Variants in LRRN1 observed in about 807,000 individuals in gnomAD.
The protein encoded by LRRN1 is leucine-rich repeat neuronal protein 1.
In LRRN1, 14 loss-of-function variants were observed where a neutral mutation model predicts 45.8. The observed-to-expected ratio is 0.31, with a 90% CI of 0.20 to 0.48. LRRN1 has a LOEUF of 0.48. LRRN1 is among the 20% of genes least tolerant of loss of function. The pLI is 0.99. For missense variants in LRRN1, 789 were observed against 874.2 expected, an observed-to-expected ratio of 0.90 and a Z score of 1.23; for synonymous variants, 359 against 330.1, an observed-to-expected ratio of 1.09 and a Z score of -0.95.
chr3:3,829,843 G>A (rs531405001), intron 1 of LRRN1, among the ~76,000 whole-genome samples: 15 of 152,206 alleles, frequency 9.9e-5, no homozygotes, highest in Non-Finnish European at 1.9e-4. Flanking sequence ...CATATCTGGA[G>A]TAAGTGTCTA....
At chr3:3,812,190 G>T (rs566352341) in intron 1 of LRRN1, among the ~76,000 whole-genome samples, 1 of 152,318 alleles carries the variant, frequency 6.6e-6, no homozygotes, top group Admixed American at 6.5e-5. Flanking sequence ...TTCCCATGTG[G>T]AGCTTGCTGT....
At chr3:3,839,608 T>C (rs1376366042) in intron 1 of LRRN1, among the ~76,000 whole-genome samples, 3 of 152,164 alleles carry the variant, frequency 2.0e-5, no homozygotes, top group African/African-American at 7.2e-5. Context: ...TTCCAGTCTA[T>C]AAACATGGGA....
rs1159661031 is a variant in LRRN1, at chr3:3,849,532, G to A, written c.*2740G>A. On this transcript the variant is annotated 3_prime_UTR_variant, in exon 2 of 2. Coordinates refer to ENST00000319331, the MANE Select transcript of LRRN1 (RefSeq NM_020873.7). ...AACTAGGTCCTGATGGATAATGAAT[G>A]TTATGTCACCTTTAACAGTGAAGTG... Among the ~76,000 whole-genome samples, 1 of 152,172 alleles carries A rather than the reference G, an allele frequency of 6.6e-6. No homozygotes were observed. Among genetic ancestry groups the A allele is most frequent in the Non-Finnish European group, 1.5e-5 (1 of 68,028 alleles).
chr3:3,808,782 A>G (rs1692818004), intron 1 of LRRN1, among the ~76,000 whole-genome samples: 1 of 99,314 alleles, frequency 1.0e-5, no homozygotes. Context: ...TCTATGTAAA[A>G]TAAATCACTT....
rs138661761 is a variant in LRRN1 at position 3,818,611 on chromosome 3, C to T, written c.-279+18692C>T. Among the ~76,000 whole-genome samples, 4 of 152,288 alleles carry T rather than the reference C, an allele frequency of 2.6e-5. No individual in the cohort carries two copies. The East Asian group carries it at 5.8e-4, about 22-fold the overall frequency. On this transcript the variant is annotated intron_variant, in intron 1 of 1. Coordinates refer to ENST00000319331, the MANE Select transcript of LRRN1 (RefSeq NM_020873.7). ...TCATAGAATCTTGGGTTTAAAAGGG[C>T]TGTGAAAGACTAAAGGCTCGAGATT...
chr3:3,820,552 C>A (rs1693080510), intron 1 of LRRN1, among the ~76,000 whole-genome samples: 1 of 152,194 alleles, frequency 6.6e-6, no homozygotes, highest in Non-Finnish European at 1.5e-5. Context: ...GAGATCTATT[C>A]TGATGGAAAC....
At chr3:3,834,529 T>TATATATATATATATATATATATATG (rs1221906071) in intron 1 of LRRN1, among the ~76,000 whole-genome samples, 6 of 97,068 alleles carry the variant, frequency 6.2e-5, no homozygotes, top group Non-Finnish European at 1.1e-4. Flanking sequence ...GAACAGGATA[T>TATATATATATATATATATATATATG]ATATATATAT....
At chr3:3,833,404 A>G (rs1188574795) in intron 1 of LRRN1, among the ~76,000 whole-genome samples, 1 of 152,206 alleles carries the variant, frequency 6.6e-6, no homozygotes, top group Non-Finnish European at 1.5e-5. Context: ...CAGAGTTCCT[A>G]CTTAGTCGGC....
intron 1 of LRRN1, among the ~76,000 whole-genome samples, chr3:3,821,401 T>C (rs57343490): frequency 0.12 from 18,897 of 152,150 alleles, 1,344 homozygotes; most frequent in East Asian, 0.3. Context: ...GTAACTCTCA[T>C]TCCTCCCTCC....
At position 3,845,069 on chromosome 3, in the gene LRRN1, G is replaced by A; in HGVS notation, c.428G>A (p.Ser143Asn). 6.2e-7 allele frequency: 1 copy of A among 1,614,068 alleles called. No individual in the cohort carries two copies. Among genetic ancestry groups the A allele is most frequent in the African/African-American group, 1.3e-5 (1 of 75,042 alleles). Residue 143 changes from serine to asparagine, a missense_variant, in exon 2 of 2, where the codon AGC becomes AAC. By Grantham distance (46) the Ser-to-Asn change is conservative. Transcript: ENST00000319331. This position sits in a 1 kb window ranked among gnomAD's most constrained non-coding sequence, Gnocchi z 6.5. ...EMTDYCLQDL[S>N]NLQELYINHN... ...ACTGATTACTGTCTACAAGACCTCA[G>A]CAACCTTCAAGAACTCTACATCAAC... is the stretch of plus-strand genomic sequence containing the variant.
rs1693827008 is a variant in LRRN1, at chr3:3,848,606, G to C, written c.*1814G>C. ...TTTCTTCCCATTCTTAAGGGGTTTT[G>C]GCAAACAGAATTTCAGATCTTGAAA... is the stretch of plus-strand genomic sequence containing the variant. On this transcript the variant is annotated 3_prime_UTR_variant, in exon 2 of 2. Transcript: ENST00000319331. Among the ~76,000 whole-genome samples the C allele has an allele frequency of 2.0e-5, 3 of 152,230 alleles. No individual in the cohort carries two copies. The South Asian group carries it at 6.2e-4, about 32-fold the overall frequency.
At chr3:3,804,770 C>A (rs1692720807) in intron 1 of LRRN1, among the ~76,000 whole-genome samples, 1 of 141,196 alleles carries the variant, frequency 7.1e-6, no homozygotes, top group Non-Finnish European at 1.5e-5. Context: ...TTTTTGGTTA[C>A]CATAGTTACA....
In LRRN1 at chr3:3,847,019, T is replaced by C; in HGVS notation, c.*227T>C. On this transcript the variant is annotated 3_prime_UTR_variant, in exon 2 of 2. Transcript: ENST00000319331. Reference sequence around the variant, plus strand: ...AGTCTGTGTTTGGTTTTTATTCTTATCATTATTATGATTGTTATTATATTA... The same window carrying C: ...AGTCTGTGTTTGGTTTTTATTCTTACCATTATTATGATTGTTATTATATTA... 1 of 386,914 alleles carries C rather than the reference T, an allele frequency of 2.6e-6. No individual in the cohort carries two copies. Among genetic ancestry groups the C allele is most frequent in the South Asian group, 7.5e-5 (1 of 13,358 alleles). The allele number at this position is 386,914 out of a possible 1,614,324, so 24.0% of individuals were successfully genotyped here. A position where few individuals can be genotyped will look rare whatever the true frequency, so the allele number is the denominator to read the frequency against.
Position 3,843,569 on chromosome 3 carries a change from A to ACC in LRRN1, c.-278-787_-278-786dup, listed in dbSNP as rs11386855. 3.1e-3 allele frequency among the ~76,000 whole-genome samples: 454 copies of ACC among 148,458 alleles called. 2 individuals are homozygous for ACC. Among genetic ancestry groups the ACC allele is most frequent in the South Asian group, 0.012 (56 of 4,622 alleles). On this transcript the variant is annotated intron_variant, in intron 1 of 1. Transcript: ENST00000319331. ...TAGCCTTTAGCACCCTTCCCACTGT[A>ACC]CCCCCCCCCATACCCCTGGCCATAG... is the stretch of plus-strand genomic sequence containing the variant.
At chr3:3,843,569 A>AC (rs11386855) in intron 1 of LRRN1, among the ~76,000 whole-genome samples, 31,511 of 147,960 alleles carry the variant, frequency 0.21, 3,610 homozygotes, top group South Asian at 0.32. Flanking sequence ...TTCCCACTGT[A>AC]CCCCCCCCCA....
At chr3:3,831,445 A>G (rs957056154) in intron 1 of LRRN1, among the ~76,000 whole-genome samples, 5 of 152,354 alleles carry the variant, frequency 3.3e-5, no homozygotes, top group Non-Finnish European at 5.9e-5. Flanking sequence ...AGTGGATCCA[A>G]TCAGCATACT....
At chr3:3,827,430 C>T (rs1202675164) in intron 1 of LRRN1, 6 of 456,572 alleles carry the variant, frequency 1.3e-5, no homozygotes, top group African/African-American at 2.0e-5. Flanking sequence ...TCAGTCCACA[C>T]AGTGGAGTCT....
chr3:3,817,768 T>C (rs1378593526), intron 1 of LRRN1, among the ~76,000 whole-genome samples: 3 of 152,072 alleles, frequency 2.0e-5, no homozygotes, highest in African/African-American at 4.8e-5. Flanking sequence ...TTAAAAAATA[T>C]AACAAAAGAC....
intron 1 of LRRN1, among the ~76,000 whole-genome samples, chr3:3,837,332 TCC>T (rs35514612): frequency 1.6e-4 from 24 of 151,384 alleles, no homozygotes; most frequent in Non-Finnish European, 2.5e-4. Context: ...TATTACTCCT[TCC>T]CCCCCCCATT....
Sources: allele counts gnomAD v4.1 joint callset (sites outside exome capture counted in the v4.1 genomes callset), GRCh38; gene constraint gnomAD v4.1.1; non-coding constraint Gnocchi (gnomAD v3.1); transcripts MANE v1.5; gene names NCBI Gene and HGNC (gene_info 2026-07-23, HGNC 2026-07-21).